The following ADGRL3 variants were observed in gnomAD, a reference collection of about 807,000 sequenced individuals.
ADGRL3 encodes the protein adhesion G protein-coupled receptor L3, also known as calcium-independent alpha-latrotoxin receptor 3.
A neutral mutation model predicts 153.5 loss-of-function variants in ADGRL3; 62 were observed. The observed-to-expected ratio is 0.40, with a 90% CI of 0.33 to 0.50. The LOEUF is 0.50. Ranked by LOEUF, ADGRL3 falls within the 20% of genes least tolerant of loss-of-function variation. The pLI, the probability that ADGRL3 is intolerant of heterozygous loss-of-function variation, is 0.47. For synonymous variants in ADGRL3, 710 were observed against 672.5 expected (o/e 1.06, Z -0.86); for missense variants, 1,641 against 1,859.4 (o/e 0.88, Z 2.16).
chr4:61,360,245 T>G (rs2096262995), intron 1 of ADGRL3, among the ~76,000 whole-genome samples: 1 of 152,178 alleles, frequency 6.6e-6, no homozygotes, highest in South Asian at 2.1e-4. Context: ...TTTTAAATAT[T>G]TCTGAGATAA....
chr4:61,221,995 A>T (rs1394885773), intron 1 of ADGRL3, among the ~76,000 whole-genome samples: 1 of 152,082 alleles, frequency 6.6e-6, no homozygotes, highest in East Asian at 1.9e-4. Context: ...TGCTGTGCCA[A>T]CTCCATCATA....
At chr4:61,852,100 C>T (rs2098211615) in intron 9 of ADGRL3, among the ~76,000 whole-genome samples, 1 of 151,926 alleles carries the variant, frequency 6.6e-6, no homozygotes, top group Non-Finnish European at 1.5e-5. Flanking sequence ...CTGAGGGTAG[C>T]CATATTACTG....
chr4:61,597,667 T>G (rs1036688026), intron 5 of ADGRL3, among the ~76,000 whole-genome samples: 1 of 151,570 alleles, frequency 6.6e-6, no homozygotes, highest in Non-Finnish European at 1.5e-5. Context: ...TTTGTTTTTT[T>G]TTTTTACTTT....
chr4:61,884,309 A>G (rs1003794010), intron 9 of ADGRL3, among the ~76,000 whole-genome samples: 1 of 152,170 alleles, frequency 6.6e-6, no homozygotes, highest in Admixed American at 6.5e-5. Context: ...TGTGAATGCT[A>G]TGAGATTGGG....
At chr4:61,791,778 T>C (rs1324002368) in intron 8 of ADGRL3, among the ~76,000 whole-genome samples, 1 of 152,220 alleles carries the variant, frequency 6.6e-6, no homozygotes, top group Non-Finnish European at 1.5e-5. Flanking sequence ...AATTCTTGAC[T>C]TATCTGGACT....
chr4:61,750,903 C>A (rs1334104319), intron 8 of ADGRL3, among the ~76,000 whole-genome samples: 2 of 152,048 alleles, frequency 1.3e-5, no homozygotes, highest in Non-Finnish European at 2.9e-5. Flanking sequence ...AAACAGTAAC[C>A]AGTGTTGTAG....
At chr4:61,953,893 T>A (rs1471107968) in intron 17 of ADGRL3, among the ~76,000 whole-genome samples, 2 of 152,210 alleles carry the variant, frequency 1.3e-5, no homozygotes, top group Non-Finnish European at 2.9e-5. Context: ...CTCCTTAGTT[T>A]CTTTCCTTTC....
chr4:61,372,215 C>A (rs2096541291), intron 1 of ADGRL3, among the ~76,000 whole-genome samples: 1 of 152,096 alleles, frequency 6.6e-6, no homozygotes, highest in African/African-American at 2.4e-5. Flanking sequence ...CGTCTGAAGC[C>A]TTCTTCTCTC....
intron 1 of ADGRL3, among the ~76,000 whole-genome samples, chr4:61,341,127 A>G (rs1043444152): frequency 2.6e-5 from 4 of 151,634 alleles, no homozygotes; most frequent in African/African-American, 9.7e-5. Flanking sequence ...CCTATCCTTC[A>G]TTTTTCTTCT....
At chr4:61,347,893 T>C (rs143907846) in intron 1 of ADGRL3, among the ~76,000 whole-genome samples, 7 of 152,250 alleles carry the variant, frequency 4.6e-5, no homozygotes, top group African/African-American at 1.7e-4. Context: ...TCTTTCTGAA[T>C]CTATCTAAAA....
chr4:61,539,133 C>T (rs115947138), intron 4 of ADGRL3, among the ~76,000 whole-genome samples: 3,097 of 152,266 alleles, frequency 0.02, 98 homozygotes, highest in African/African-American at 0.069. Flanking sequence ...GTGTCACCCC[C>T]TACACAAGCT....
At chr4:61,729,713 A>ATAT (rs2096407539) in intron 6 of ADGRL3, among the ~76,000 whole-genome samples, 1 of 152,002 alleles carries the variant, frequency 6.6e-6, no homozygotes, top group Non-Finnish European at 1.5e-5. Flanking sequence ...GTGAAACAAA[A>ATAT]TATTTATAAG....
intron 5 of ADGRL3, among the ~76,000 whole-genome samples, chr4:61,609,312 C>T (rs944624152): frequency 2.6e-5 from 4 of 152,102 alleles, no homozygotes; most frequent in Non-Finnish European, 5.9e-5. Context: ...AAGTTTAACT[C>T]TGCAGAAGTG....
chr4:61,686,169 T>A (rs1434903298), intron 6 of ADGRL3, among the ~76,000 whole-genome samples: 1 of 152,142 alleles, frequency 6.6e-6, no homozygotes, highest in Non-Finnish European at 1.5e-5. Flanking sequence ...CAAAGAAATT[T>A]GTATAAGTTA....
At chr4:61,564,614 T>C (rs2088113) in intron 4 of ADGRL3, among the ~76,000 whole-genome samples, 3,183 of 152,292 alleles carry the variant, frequency 0.021, 96 homozygotes, top group East Asian at 0.13. Context: ...GGAATATCCT[T>C]CAAGAAAATT....
At chr4:61,905,399 C>G (rs1009346054) in intron 11 of ADGRL3, among the ~76,000 whole-genome samples, 51 of 152,150 alleles carry the variant, frequency 3.4e-4, no homozygotes, top group Admixed American at 1.5e-3. Flanking sequence ...ATTTATATCA[C>G]TTTATGAACA....
At chr4:61,929,054 T>C (rs907984615) in intron 13 of ADGRL3, among the ~76,000 whole-genome samples, 2 of 152,084 alleles carry the variant, frequency 1.3e-5, no homozygotes, top group African/African-American at 4.8e-5. Flanking sequence ...AATACTGAAA[T>C]GGGAGCTTTC....
At chr4:61,926,946 A>G (rs774569322) in intron 13 of ADGRL3, among the ~76,000 whole-genome samples, 13 of 152,172 alleles carry the variant, frequency 8.5e-5, no homozygotes, top group Non-Finnish European at 1.5e-5. Context: ...GCCTGTAAGT[A>G]CACTCTGTGC....
chr4:61,210,953 A>AAT (rs1739722998), intron 1 of ADGRL3, among the ~76,000 whole-genome samples: 1 of 152,204 alleles, frequency 6.6e-6, no homozygotes, highest in Non-Finnish European at 1.5e-5. Flanking sequence ...CATTTAAAAA[A>AAT]ATTATATACA....
Sources: allele counts gnomAD v4.1 joint callset (sites outside exome capture counted in the v4.1 genomes callset), GRCh38; gene constraint gnomAD v4.1.1; transcripts MANE v1.5; gene names NCBI Gene and HGNC (gene_info 2026-07-23, HGNC 2026-07-21).